The following SLC5A8 variants were observed in gnomAD, a reference collection of about 807,000 sequenced individuals.
SLC5A8 encodes sodium-coupled monocarboxylate transporter 1.
A neutral mutation model predicts 71.9 loss-of-function variants in SLC5A8; 55 were observed. The ratio of observed to expected loss-of-function variants is 0.77; its 90% confidence interval spans 0.62 to 0.96. SLC5A8 has a LOEUF of 0.96. Among genes scored for constraint, SLC5A8 ranks in the 40% least tolerant of loss-of-function variants. SLC5A8 has a pLI of 0.00. For missense variants in SLC5A8, 701 were observed against 745.3 expected (o/e 0.94, Z 0.69); for synonymous variants, 307 against 276.1 (o/e 1.11, Z -1.11).
chr12:101,183,653 G>T (rs757606237), intron 8 of SLC5A8, among the ~76,000 whole-genome samples: 1 of 152,116 alleles, frequency 6.6e-6, no homozygotes, highest in African/African-American at 2.4e-5. Flanking sequence ...CACTGTACAT[G>T]TTGATAATAA....
chr12:101,165,721 G>A (rs1164808985), intron 12 of SLC5A8, among the ~76,000 whole-genome samples: 3 of 152,066 alleles, frequency 2.0e-5, no homozygotes, highest in Non-Finnish European at 4.4e-5. Context: ...TTTTAAGAGG[G>A]GTATGCCGTG....
intron 10 of SLC5A8, among the ~76,000 whole-genome samples, chr12:101,169,137 G>A (rs2051802551): frequency 1.3e-5 from 2 of 152,176 alleles, no homozygotes; most frequent in South Asian, 4.1e-4. Flanking sequence ...CCAGTCAGAA[G>A]GGAGATAGAC....
chr12:101,209,666 G>T lies in SLC5A8; in HGVS notation c.183C>A (p.Leu61=). ...RMTAVPVALS[L]TASFMSAVTV... Reference sequence around the variant, plus strand: ...TGACGGCTGACATGAAGCTAGCGGTGAGGGACAGCGCCACGGGCACTGCGG... The same window carrying T: ...TGACGGCTGACATGAAGCTAGCGGTTAGGGACAGCGCCACGGGCACTGCGG... The change falls in exon 1 of 15, where the codon CTC becomes CTA. Residue 61 remains leucine, a synonymous_variant. Coordinates refer to ENST00000536262, the MANE Select transcript of SLC5A8 (RefSeq NM_145913.5). The T allele has an allele frequency of 6.2e-7, 1 of 1,613,866 alleles. No homozygotes were observed. The highest frequency in any genetic ancestry group is 8.5e-7 in the Non-Finnish European group (1 of 1,180,046).
intron 10 of SLC5A8, among the ~76,000 whole-genome samples, chr12:101,172,903 C>T (rs1400552073): frequency 1.3e-5 from 2 of 152,116 alleles, no homozygotes; most frequent in African/African-American, 4.8e-5. Flanking sequence ...TGGTCTGTTC[C>T]AAGGTCTCCC....
rs558285452 is a variant in SLC5A8, at chr12:101,161,294, T to G, written c.1630+680A>C. On this transcript the variant is annotated intron_variant, in intron 13 of 14. Coordinates refer to ENST00000536262, the MANE Select transcript of SLC5A8 (RefSeq NM_145913.5). Reference sequence around the variant, plus strand: ...ATTCAATTAAGGGAGTAAATGAGAATGAGAAGTAATGAATATAGGCAGTAG... The same window carrying G: ...ATTCAATTAAGGGAGTAAATGAGAAGGAGAAGTAATGAATATAGGCAGTAG... Among the ~76,000 whole-genome samples the G allele has an allele frequency of 1.8e-3, 268 of 152,204 alleles. 1 individual carries two copies. Among genetic ancestry groups the G allele is most frequent in the Middle Eastern group, 6.8e-3 (2 of 294 alleles).
Position 101,192,401 on chromosome 12 carries a change from G to T in SLC5A8, c.692+1224C>A, listed in dbSNP as rs546892032. 8.4e-4 allele frequency among the ~76,000 whole-genome samples: 31 copies of T among 36,860 alleles called. No individual in the cohort carries two copies. The East Asian group carries it at 0.023, about 27-fold the overall frequency. The allele number at this position is 36,860 out of a possible 152,430, so 24.2% of individuals were successfully genotyped here. ...GAAGACCAGAAAAGAGCCACCAAGT[G>T]CAAAATGGGTTTTTTTTTCTTCAAA... is the stretch of plus-strand genomic sequence containing the variant. On this transcript the variant is annotated intron_variant, in intron 5 of 14. Coordinates refer to ENST00000536262, the MANE Select transcript of SLC5A8 (RefSeq NM_145913.5).
rs892829812 is a variant in SLC5A8, at chr12:101,209,904, C to G, written c.-56G>C. On this transcript the variant is annotated 5_prime_UTR_variant, in exon 1 of 15. Transcript: ENST00000536262. Reference sequence around the variant, plus strand: ...AACTGGTGGCCCCGCGGCGCGCAGCCGGAGCCCGGCGCGCACTTCTTATCC... The same window carrying G: ...AACTGGTGGCCCCGCGGCGCGCAGCGGGAGCCCGGCGCGCACTTCTTATCC... 132 of 1,418,302 alleles carry G rather than the reference C, an allele frequency of 9.3e-5. 1 individual carries two copies. Among genetic ancestry groups the G allele is most frequent in the Non-Finnish European group, 1.2e-4 (126 of 1,074,102 alleles). The allele number at this position is 1,418,302 out of a possible 1,614,324, so 87.9% of individuals were successfully genotyped here. A position where few individuals can be genotyped will look rare whatever the true frequency, so the allele number is the denominator to read the frequency against.
At chr12:101,193,853 A>G in intron 4 of SLC5A8, 74 bp from the exon 5 acceptor site, 2 of 1,431,420 alleles carry the variant, frequency 1.4e-6, no homozygotes, top group Non-Finnish European at 1.9e-6. Context: ...TATACACTAT[A>G]CTGGAGAAAA....
In SLC5A8 at chr12:101,180,103, G is replaced by A; in HGVS notation, c.1166-7C>T. On this transcript the variant is annotated splice_region_variant and splice_polypyrimidine_tract_variant and intron_variant, in intron 9 of 14. Coordinates refer to ENST00000536262, the MANE Select transcript of SLC5A8 (RefSeq NM_145913.5). ...AGGGCTCCATACACCACACCTAAAT[G>A]GACAACATAAAAGCCAGTGTAAAAT... is the stretch of plus-strand genomic sequence containing the variant. 6.2e-7 allele frequency: 1 copy of A among 1,613,948 alleles called. No individual in the cohort carries two copies.
chr12:101,193,757 C>T lies in SLC5A8; in HGVS notation c.560G>A (p.Trp187Ter). 6.2e-7 allele frequency: 1 copy of T among 1,614,014 alleles called. No homozygotes were observed. The highest frequency in any genetic ancestry group is 1.1e-5 in the South Asian group (1 of 91,040). The part of the protein sequence containing the change: ...CTLGGLKAVI[W>*]TDVFQVGIMV... The stretch of plus-strand genomic sequence containing the variant: ...GATCCCAACTTGAAAAACATCTGTC[C>T]AGATAACTGCTTTAAGACCACCCTT... Residue 187 changes from tryptophan (W) to a stop codon, truncating the protein, a stop_gained, in exon 5 of 15, where the codon TGG (tryptophan) becomes TAG (stop). Transcript: ENST00000536262. LOFTEE classifies it high-confidence loss of function.
chr12:101,188,991 T>C (rs1040661381), intron 6 of SLC5A8, among the ~76,000 whole-genome samples: 1 of 152,202 alleles, frequency 6.6e-6, no homozygotes, highest in Non-Finnish European at 1.5e-5. Context: ...ATTCTTACCA[T>C]AGCGTAAGTG....
At chr12:101,206,200 G>A (rs1198051293) in intron 1 of SLC5A8, among the ~76,000 whole-genome samples, 4 of 152,170 alleles carry the variant, frequency 2.6e-5, no homozygotes, top group African/African-American at 9.7e-5. Flanking sequence ...GGAGAAAATT[G>A]AATCTCAATA....
intron 10 of SLC5A8, among the ~76,000 whole-genome samples, chr12:101,179,173 T>G (rs930232459): frequency 2.6e-5 from 4 of 152,162 alleles, no homozygotes. Context: ...CTGGAAAGAA[T>G]GAGGTTTAAA....
intron 3 of SLC5A8, among the ~76,000 whole-genome samples, chr12:101,201,210 C>A (rs762986043): frequency 2.0e-5 from 3 of 152,170 alleles, no homozygotes; most frequent in African/African-American, 4.8e-5. Flanking sequence ...ATGAGATGAT[C>A]CACTTGTGAT....
At chr12:101,187,842 A>G (rs911633066) in intron 6 of SLC5A8, among the ~76,000 whole-genome samples, 4 of 152,206 alleles carry the variant, frequency 2.6e-5, no homozygotes, top group African/African-American at 9.6e-5. Flanking sequence ...TGAAATAAAG[A>G]TTTTAATAGT....
At chr12:101,158,218 C>T (rs117158575) in intron 14 of SLC5A8, 31 bp downstream of exon 14, 19,215 of 1,460,680 alleles carry the variant, frequency 0.013, 160 homozygotes, top group Non-Finnish European at 0.016. Context: ...AGCCCAGTTT[C>T]CTAACTCAAG....
intron 10 of SLC5A8, among the ~76,000 whole-genome samples, chr12:101,178,822 TAA>T (rs3084371): frequency 1.2e-4 from 18 of 146,968 alleles, no homozygotes; most frequent in African/African-American, 4.2e-4. Context: ...TTATCCAAAC[TAA>T]AAAAAAAAAT....
At chr12:101,183,864 G>A (rs1289514390) in intron 8 of SLC5A8, among the ~76,000 whole-genome samples, 8 of 152,208 alleles carry the variant, frequency 5.3e-5, no homozygotes, top group East Asian at 3.9e-4. Context: ...ACCATCAACC[G>A]ATCGTCATTA....
intron 10 of SLC5A8, among the ~76,000 whole-genome samples, chr12:101,171,128 CT>C: frequency 6.6e-6 from 1 of 152,244 alleles, no homozygotes; most frequent in Admixed American, 6.5e-5. Context: ...ATCCTTCCTC[CT>C]TTCTTATACT....
Sources: gnomAD v4.1 joint callset for allele counts (sites outside exome capture counted in the v4.1 genomes callset) on GRCh38, gnomAD v4.1.1 for gene constraint, MANE v1.5 for transcripts, NCBI Gene and HGNC (gene_info 2026-07-23, HGNC 2026-07-21) for gene names.